The following ZNF726 variants were observed in gnomAD, a reference collection of about 807,000 sequenced individuals.
The protein encoded by ZNF726 is zinc finger protein 92 pseudogene 3.
Under a neutral mutation model 11.6 loss-of-function variants are expected in ZNF726, and 15 were observed. That is an observed-to-expected ratio of 1.29 (90% CI 0.86 to 1.99). The LOEUF (loss-of-function observed/expected upper bound fraction) is 1.99. Ranked by LOEUF, ZNF726 falls within the 30% of genes most tolerant of loss-of-function variation. The pLI is 0.00. For synonymous variants in ZNF726, 295 were observed against 243.6 expected (o/e 1.21, Z -1.96); for missense variants, 890 against 725.6 (o/e 1.23, Z -2.60).
intron 3 of ZNF726, among the ~76,000 whole-genome samples, chr19:23,927,013 T>C (rs1215908773): frequency 6.6e-6 from 1 of 152,228 alleles, no homozygotes; most frequent in Non-Finnish European, 1.5e-5. Context: ...AGTCTTGCTC[T>C]GTCGCCCAGG....
At chr19:23,931,051 AC>A (rs1245149397) in intron 3 of ZNF726, among the ~76,000 whole-genome samples, 3 of 152,066 alleles carry the variant, frequency 2.0e-5, no homozygotes, top group Non-Finnish European at 4.4e-5. Context: ...GCTCACTGCA[AC>A]CTCCACCTTC....
intron 3 of ZNF726, 27 bp downstream of exon 3, chr19:23,920,109 A>G: frequency 6.6e-7 from 1 of 1,506,946 alleles, no homozygotes; most frequent in Non-Finnish European, 9.1e-7. Flanking sequence ...ACAACAGATG[A>G]CCTGGATGAG....
intron 3 of ZNF726, among the ~76,000 whole-genome samples, chr19:23,941,375 G>A (rs1054070600): frequency 6.6e-6 from 1 of 152,064 alleles, no homozygotes; most frequent in South Asian, 2.1e-4. Context: ...GTTGGATTTG[G>A]TTAGCTAGTA....
rs1374608205 is a variant in ZNF726 at position 23,919,989 on chromosome 19, A to G, written c.133A>G (p.Ile45Val). The change falls in exon 3 of 4, where the codon ATT (isoleucine) becomes GTT (valine). Residue 45 changes from isoleucine (I) to valine (V), a missense_variant and splice_region_variant. Physicochemically the swap from Ile to Val is conservative, Grantham distance 29 (BLOSUM62 3). Transcript: ENST00000594466. ...GTTAATTATTTTTAATAAAACAGGT[A>G]TTGCTGTCTCTAAGCCAGACCTCAT... ...ENYRNLAFLG[I>V]AVSKPDLIIC... 2 of 1,570,866 alleles carry G rather than the reference A, an allele frequency of 1.3e-6. No individual in the cohort carries two copies. The highest frequency in any genetic ancestry group is 1.7e-6 in the Non-Finnish European group (2 of 1,154,620).
At position 23,933,739 on chromosome 19, in the gene ZNF726, A is replaced by C; in HGVS notation, c.1623A>C (p.Glu541Asp). The change falls in exon 4 of 4, where the codon GAA becomes GAC. Residue 541 changes from glutamate (E) to aspartate (D), a missense_variant. Coordinates refer to ENST00000594466, the MANE Select transcript of ZNF726 (RefSeq NM_001244038.2). Reference sequence around the variant, plus strand: ...GAGAGAAACCCTACAAATGTGAAGAATGTGGCAAAACTTTTAATCAATCCT... The same window carrying C: ...GAGAGAAACCCTACAAATGTGAAGACTGTGGCAAAACTTTTAATCAATCCT... ...HTGEKPYKCE[E>D]CGKTFNQSSN... The C allele has an allele frequency of 6.2e-7, 1 of 1,612,294 alleles. No homozygotes were observed. Among genetic ancestry groups the C allele is most frequent in the East Asian group, 2.2e-5 (1 of 44,840 alleles).
intron 3 of ZNF726, among the ~76,000 whole-genome samples, chr19:23,925,951 G>C (rs79207750): frequency 1.3e-5 from 2 of 150,988 alleles, no homozygotes; most frequent in African/African-American, 4.9e-5. Flanking sequence ...ACCTGTCCTC[G>C]TGATCCGCCT....
intron 1 of ZNF726, among the ~76,000 whole-genome samples, chr19:23,916,481 G>A (rs897097333): frequency 2.0e-5 from 3 of 152,042 alleles, no homozygotes; most frequent in Admixed American, 6.6e-5. Flanking sequence ...CAGATGCCTG[G>A]CACCACGCCT....
intron 3 of ZNF726, chr19:23,927,711 A>G (rs933481379): frequency 1.3e-5 from 2 of 152,006 alleles, no homozygotes; most frequent in African/African-American, 4.8e-5. Flanking sequence ...CAAACTTTTA[A>G]CTCCAAGTGA....
At chr19:23,923,015 C>T (rs1474588464) in intron 3 of ZNF726, among the ~76,000 whole-genome samples, 4 of 151,588 alleles carry the variant, frequency 2.6e-5, no homozygotes. Flanking sequence ...TAGATTCAGA[C>T]ATTTAGGACA....
chr19:23,930,974 C>CT (rs1390508960), intron 3 of ZNF726, among the ~76,000 whole-genome samples: 1 of 151,882 alleles, frequency 6.6e-6, no homozygotes, highest in Non-Finnish European at 1.5e-5. Flanking sequence ...ATTTTTCCTT[C>CT]TTTTTTTCTT....
chr19:23,936,395 T>C (rs1221658157), downstream of ZNF726, among the ~76,000 whole-genome samples: 1 of 152,210 alleles, frequency 6.6e-6, no homozygotes, highest in African/African-American at 2.4e-5. Flanking sequence ...TATAACTTTT[T>C]TTTGAAAATA....
chr19:23,944,200 A>AT (rs1043612750), intron 4 of ZNF726: 1 of 151,854 alleles, frequency 6.6e-6, no homozygotes, highest in African/African-American at 2.4e-5. Context: ...TCTTTTGACC[A>AT]TTTTTCTGTT....
chr19:23,923,666 G>A (rs1967912139), intron 3 of ZNF726: 1 of 166,102 alleles, frequency 6.0e-6, no homozygotes, highest in African/African-American at 2.4e-5. Flanking sequence ...CCAAAGTGCT[G>A]GGATTACAGA....
In ZNF726 at chr19:23,934,252, G is replaced by A. The variant is rs749775521; in HGVS notation, c.*285G>A. ...TGTGAAAAATGTGGCAAAGCATATG[G>A]TCCACACCCCTAAGTAGACATAAGA... On this transcript the variant is annotated 3_prime_UTR_variant, in exon 4 of 4. Transcript: ENST00000594466. 1.4e-5 allele frequency: 9 copies of A among 637,924 alleles called. No homozygotes were observed. The highest frequency in any genetic ancestry group is 1.3e-4 in the South Asian group (9 of 70,706). 39.5% of individuals were successfully genotyped at this position (637,924 alleles called of 1,614,324 possible).
chr19:23,938,414 G>GA (rs1361629786), downstream of ZNF726, among the ~76,000 whole-genome samples: 2 of 151,974 alleles, frequency 1.3e-5, no homozygotes, highest in Admixed American at 6.6e-5. Flanking sequence ...TAATTTACTA[G>GA]AAAAAAACCA....
intron 3 of ZNF726, chr19:23,927,776 C>G (rs1968020490): frequency 6.6e-6 from 1 of 152,168 alleles, no homozygotes; most frequent in Non-Finnish European, 1.5e-5. Context: ...GCTACACCAC[C>G]CAGCTGGCAT....
downstream of ZNF726, chr19:23,935,734 C>T (rs574291973): frequency 1.8e-5 from 4 of 221,970 alleles, no homozygotes; most frequent in South Asian, 2.7e-4. Context: ...AAGCTTCTAA[C>T]CAATGCTCAT....
chr19:23,934,056 C>G lies in ZNF726; in HGVS notation c.*89C>G, dbSNP rs1968183747. On this transcript the variant is annotated 3_prime_UTR_variant, in exon 4 of 4. Transcript: ENST00000594466. The stretch of plus-strand genomic sequence containing the variant: ...AAGAGGATGCACACTGGAGAGAAAC[C>G]CTACAAATGTGAAGAATGTGAAAAA... 6 of 1,460,798 alleles carry G rather than the reference C, an allele frequency of 4.1e-6. No individual in the cohort carries two copies. Among genetic ancestry groups the G allele is most frequent in the Non-Finnish European group, 5.7e-6 (6 of 1,047,026 alleles). 90.5% of individuals were successfully genotyped at this position (1,460,798 alleles called of 1,614,324 possible).
Position 23,932,655 on chromosome 19 carries a change from A to G in ZNF726, c.539A>G (p.Lys180Arg), listed in dbSNP as rs1306107815. Residue 180 changes from lysine (K) to arginine (R), a missense_variant, in exon 4 of 4, where the codon AAA (lysine) becomes AGA (arginine). Lys to Arg is a conservative substitution (Grantham distance 26, BLOSUM62 2). Transcript: ENST00000594466. ...CCTTTCAAATGTAAAAATTGTGTCA[A>G]ATCATTTTGCATGTTTTCACACAAA... ...KKPFKCKNCV[K>R]SFCMFSHKTQ... is the part of the protein sequence containing the mutation. 2 of 1,577,126 alleles carry G rather than the reference A, an allele frequency of 1.3e-6. No homozygotes were observed. The highest frequency in any genetic ancestry group is 1.7e-6 in the Non-Finnish European group (2 of 1,164,134).
Sources: allele counts gnomAD v4.1 joint callset (sites outside exome capture counted in the v4.1 genomes callset), GRCh38; gene constraint gnomAD v4.1.1; transcripts MANE v1.5; gene names NCBI Gene and HGNC (gene_info 2026-07-23, HGNC 2026-07-21).